ADARB2: variants seen among roughly 807,000 people sequenced by gnomAD.
ADARB2 encodes the protein inactive double-stranded RNA-specific editase B2.
In ADARB2, 25 loss-of-function variants were observed where a neutral mutation model predicts 62.2. That is an observed-to-expected ratio of 0.40 (90% CI 0.29 to 0.56). The LOEUF (loss-of-function observed/expected upper bound fraction) is 0.56, where lower values mean the gene tolerates loss of function less well. Among genes scored for constraint, ADARB2 ranks in the 20% least tolerant of loss-of-function variants. ADARB2 has a pLI of 0.43. For synonymous variants in ADARB2, 572 were observed against 500.8 expected (o/e 1.14, Z -1.90); for missense variants, 1,071 against 1,077.4 (o/e 0.99, Z 0.08).
intron 1 of ADARB2, among the ~76,000 whole-genome samples, chr10:1,438,871 G>A (rs1310973468): frequency 5.7e-5 from 5 of 87,214 alleles, no homozygotes; most frequent in Non-Finnish European, 6.9e-5. Flanking sequence ...CCCCCAGGAT[G>A]GAGGCAGGTT....
chr10:1,540,438 C>T (rs983065776), intron 1 of ADARB2, among the ~76,000 whole-genome samples: 7 of 152,000 alleles, frequency 4.6e-5, no homozygotes, highest in African/African-American at 9.7e-5. Context: ...CCCACTCAGA[C>T]GCAATTTGAA....
intron 3 of ADARB2, among the ~76,000 whole-genome samples, chr10:1,357,242 G>A (rs572710278): frequency 2.4e-4 from 37 of 152,306 alleles, no homozygotes; most frequent in Middle Eastern, 6.8e-3. Context: ...TAGCCAGAGG[G>A]GACTTCAATA....
intron 1 of ADARB2, among the ~76,000 whole-genome samples, chr10:1,512,135 A>G (rs1401584731): frequency 6.6e-6 from 1 of 152,116 alleles, no homozygotes; most frequent in African/African-American, 2.4e-5. Context: ...ACTGGACAAC[A>G]AGACATCGAT....
intron 7 of ADARB2, among the ~76,000 whole-genome samples, chr10:1,210,295 G>A (rs907376080): frequency 8.5e-5 from 13 of 152,178 alleles, no homozygotes; most frequent in South Asian, 2.1e-4. Context: ...AAAGTGGCAC[G>A]AAGTCGGAGA....
intron 3 of ADARB2, among the ~76,000 whole-genome samples, chr10:1,342,056 G>T (rs1223031295): frequency 2.6e-5 from 4 of 152,228 alleles, no homozygotes; most frequent in African/African-American, 9.7e-5. Flanking sequence ...CTGGAATTTA[G>T]TCAGAACTAT....
chr10:1,270,465 C>T (rs540513687), intron 4 of ADARB2, among the ~76,000 whole-genome samples: 3 of 152,272 alleles, frequency 2.0e-5, no homozygotes, highest in East Asian at 3.9e-4. Context: ...TCCACAGGGC[C>T]GATTGATCAA....
At position 1,182,475 on chromosome 10, in the gene ADARB2, T is replaced by C. The variant is rs947425563; in HGVS notation, c.*718A>G. On this transcript the variant is annotated 3_prime_UTR_variant, in exon 10 of 10. Transcript: ENST00000381312. ...CTGCAGCACGCGTGGGCCGGGTGTTTCCAGGCTCCCCACATCTGCAGCACG... is the reference window on the plus strand; with the variant it reads ...CTGCAGCACGCGTGGGCCGGGTGTTCCCAGGCTCCCCACATCTGCAGCACG... 1 of 152,972 alleles carries C rather than the reference T, an allele frequency of 6.5e-6. No individual in the cohort carries two copies. Among genetic ancestry groups the C allele is most frequent in the Admixed American group, 6.5e-5 (1 of 15,268 alleles). The allele number at this position is 152,972 out of a possible 1,614,324, so 9.5% of individuals were successfully genotyped here. A position where few individuals can be genotyped will look rare whatever the true frequency, so the allele number is the denominator to read the frequency against.
rs575922139 is a variant in ADARB2, at chr10:1,523,511, C to T, written c.101-144351G>A. 3.9e-5 allele frequency among the ~76,000 whole-genome samples: 6 copies of T among 152,254 alleles called. No individual in the cohort carries two copies. The South Asian group carries it at 1.2e-3, about 32-fold the overall frequency. On this transcript the variant is annotated intron_variant, in intron 1 of 9. Transcript: ENST00000381312. ...TGCTTAAAGAACCTGCCAGAGGCTTCGTCTGGAATAGCACCTCGGTCTCAT... is the reference window on the plus strand; with the variant it reads ...TGCTTAAAGAACCTGCCAGAGGCTTTGTCTGGAATAGCACCTCGGTCTCAT...
intron 1 of ADARB2, among the ~76,000 whole-genome samples, chr10:1,449,937 C>T (rs1831016758): frequency 6.6e-6 from 1 of 152,224 alleles, no homozygotes; most frequent in Admixed American, 6.5e-5. Context: ...GGAGGAGAGG[C>T]CTGCACAGTG....
At chr10:1,307,492 C>T (rs1244861401) in intron 3 of ADARB2, among the ~76,000 whole-genome samples, 146 of 138,006 alleles carry the variant, frequency 1.1e-3, no homozygotes, top group Non-Finnish European at 1.9e-3. Flanking sequence ...GGACTGTAAA[C>T]TAGTTCAACC....
At chr10:1,510,529 G>A (rs1831923638) in intron 1 of ADARB2, among the ~76,000 whole-genome samples, 1 of 152,138 alleles carries the variant, frequency 6.6e-6, no homozygotes, top group Non-Finnish European at 1.5e-5. Context: ...GACACCCATT[G>A]CCGAATGATT....
At chr10:1,512,499 G>A (rs1316057914) in intron 1 of ADARB2, among the ~76,000 whole-genome samples, 2 of 152,192 alleles carry the variant, frequency 1.3e-5, no homozygotes, top group East Asian at 3.8e-4. Context: ...AATCCTCAAA[G>A]CAACAGAATG....
At chr10:1,339,974 G>C (rs372336334) in intron 3 of ADARB2, among the ~76,000 whole-genome samples, 2 of 152,110 alleles carry the variant, frequency 1.3e-5, no homozygotes, top group East Asian at 3.8e-4. Flanking sequence ...GGTGGGCAGT[G>C]GAGAGGGAAC....
intron 1 of ADARB2, among the ~76,000 whole-genome samples, chr10:1,619,978 A>T (rs1833688052): frequency 6.6e-6 from 1 of 152,156 alleles, no homozygotes; most frequent in African/African-American, 2.4e-5. Context: ...AAAACAAGAA[A>T]AATAAGAAAA....
intron 4 of ADARB2, among the ~76,000 whole-genome samples, chr10:1,258,602 A>G (rs1238636713): frequency 6.6e-6 from 1 of 152,226 alleles, no homozygotes; most frequent in African/African-American, 2.4e-5. Context: ...AGAACTAACT[A>G]TTCTAAATAT....
intron 1 of ADARB2, among the ~76,000 whole-genome samples, chr10:1,691,269 C>T (rs541264195): frequency 6.6e-6 from 1 of 152,272 alleles, no homozygotes; most frequent in African/African-American, 2.4e-5. Flanking sequence ...GGAGAGAGGC[C>T]TCAGGAGAAA....
intron 1 of ADARB2, among the ~76,000 whole-genome samples, chr10:1,523,219 C>A (rs1832095670): frequency 6.6e-6 from 1 of 152,088 alleles, no homozygotes; most frequent in African/African-American, 2.4e-5. Context: ...AATCTGATGA[C>A]AAATTAATTA....
intron 1 of ADARB2, among the ~76,000 whole-genome samples, chr10:1,538,751 G>T (rs1013281655): frequency 6.6e-6 from 1 of 152,254 alleles, no homozygotes; most frequent in Admixed American, 6.5e-5. Flanking sequence ...GGGGCCATGG[G>T]AGTCGAGGAC....
At chr10:1,604,322 T>C (rs958026071) in intron 1 of ADARB2, among the ~76,000 whole-genome samples, 1 of 152,228 alleles carries the variant, frequency 6.6e-6, no homozygotes, top group Non-Finnish European at 1.5e-5. Flanking sequence ...TTTTAATCTT[T>C]ACAAGAATTA....
Sources: allele counts gnomAD v4.1 joint callset (sites outside exome capture counted in the v4.1 genomes callset), GRCh38; gene constraint gnomAD v4.1.1; transcripts MANE v1.5; gene names NCBI Gene and HGNC (gene_info 2026-07-23, HGNC 2026-07-21).